MAML2: variants seen among roughly 807,000 people sequenced by gnomAD.
MAML2 encodes mastermind like transcriptional coactivator 2.
In MAML2, 22 loss-of-function variants were observed where a neutral mutation model predicts 96.1. That is an observed-to-expected ratio of 0.23 (90% CI 0.16 to 0.33). The LOEUF is 0.33. Among genes scored for constraint, MAML2 ranks in the 10% least tolerant of loss-of-function variants. The pLI is 1.00. For synonymous variants in MAML2, 561 were observed against 521.3 expected (o/e 1.08, Z -1.04); for missense variants, 1,367 against 1,392.4 (o/e 0.98, Z 0.29).
chr11:96,214,006 C>T (rs1288111116), intron 1 of MAML2, among the ~76,000 whole-genome samples: 1 of 152,162 alleles, frequency 6.6e-6, no homozygotes, highest in African/African-American at 2.4e-5. Flanking sequence ...TGCCCAACTA[C>T]AAATTCTAAT....
intron 1 of MAML2, among the ~76,000 whole-genome samples, chr11:96,099,104 T>C (rs1339865659): frequency 6.6e-6 from 1 of 152,116 alleles, no homozygotes; most frequent in Non-Finnish European, 1.5e-5. Context: ...CAACCAGGCA[T>C]AAACACAAGA....
intron 1 of MAML2, 108 bp downstream of exon 1, chr11:96,341,275 T>A (rs2136024412): frequency 7.9e-7 from 1 of 1,266,742 alleles, no homozygotes; most frequent in South Asian, 1.6e-5. Flanking sequence ...TCAGGTGACA[T>A]CTTGGCCTTT....
intron 2 of MAML2, among the ~76,000 whole-genome samples, chr11:96,020,982 G>A (rs1195610481): frequency 6.6e-6 from 1 of 152,158 alleles, no homozygotes; most frequent in Admixed American, 6.5e-5. Flanking sequence ...GGAAATAGGG[G>A]ATAAATAGTG....
At chr11:95,981,303 A>G (rs759599449) in intron 4 of MAML2, among the ~76,000 whole-genome samples, 1 of 152,254 alleles carries the variant, frequency 6.6e-6, no homozygotes, top group Non-Finnish European at 1.5e-5. Context: ...AAGAGGCTCC[A>G]CACAACAGAT....
rs374494887 is a variant in MAML2, at chr11:96,032,766, G to A, written c.2140-41043C>T. Among the ~76,000 whole-genome samples the A allele has an allele frequency of 2.6e-4, 40 of 152,202 alleles. No individual in the cohort carries two copies. The East Asian group carries it at 2.7e-3, about 10-fold the overall frequency. ...AATCACAAGGTTGACTCTCAAGTGC[G>A]CTATGCTAAGTGAAAGAAGCCAGTG... On this transcript the variant is annotated intron_variant, in intron 2 of 4. Coordinates refer to ENST00000524717, the MANE Select transcript of MAML2 (RefSeq NM_032427.4).
chr11:96,138,945 C>A (rs1428544878), intron 1 of MAML2, among the ~76,000 whole-genome samples: 1 of 152,158 alleles, frequency 6.6e-6, no homozygotes, highest in Non-Finnish European at 1.5e-5. Context: ...ACAACCCATT[C>A]TAAAATTTAA....
chr11:96,342,066 G>A lies in MAML2; in HGVS notation c.-171C>T, dbSNP rs750959068. 9 of 612,222 alleles carry A rather than the reference G, an allele frequency of 1.5e-5. No homozygotes were observed. In the African/African-American group the frequency reaches 1.7e-4, roughly 11 times the overall value. The allele number at this position is 612,222 out of a possible 1,614,324, so 37.9% of individuals were successfully genotyped here. A position where few individuals can be genotyped will look rare whatever the true frequency, so the allele number is the denominator to read the frequency against. ...CGTGGAGAAGTTGTGGGGGAGGGGA[G>A]TTAGTAAAAAGAGGGTGGGGAGAAA... On this transcript the variant is annotated 5_prime_UTR_variant, in exon 1 of 5. Coordinates refer to ENST00000524717, the MANE Select transcript of MAML2 (RefSeq NM_032427.4).
chr11:96,098,800 A>G (rs1318183360), intron 1 of MAML2, among the ~76,000 whole-genome samples: 1 of 152,238 alleles, frequency 6.6e-6, no homozygotes, highest in East Asian at 1.9e-4. Context: ...AGGAACAAGG[A>G]AAATCCTGCA....
intron 1 of MAML2, among the ~76,000 whole-genome samples, chr11:96,316,592 A>G (rs1186753177): frequency 6.6e-6 from 1 of 152,138 alleles, no homozygotes; most frequent in African/African-American, 2.4e-5. Flanking sequence ...TCCACACACA[A>G]CTTCTGTGTA....
rs1464141106 is a variant in MAML2, at chr11:96,163,010, T to A, written c.514-69493A>T. Among the ~76,000 whole-genome samples the A allele has an allele frequency of 2.0e-5, 3 of 152,314 alleles. No homozygotes were observed. The East Asian group carries it at 5.8e-4, about 29-fold the overall frequency. On this transcript the variant is annotated intron_variant, in intron 1 of 4. Coordinates refer to ENST00000524717, the MANE Select transcript of MAML2 (RefSeq NM_032427.4). ...CATTTCCTCTGGGGATTTGCAACTT[T>A]TGCAAAACCCAGCTTTAGAATGTTG...
At chr11:95,988,057 A>G (rs1857855962) in intron 3 of MAML2, among the ~76,000 whole-genome samples, 1 of 151,794 alleles carries the variant, frequency 6.6e-6, no homozygotes. Flanking sequence ...TTCCAAAAGC[A>G]TCTGTCATTC....
chr11:96,030,654 G>A (rs930798099), intron 2 of MAML2, among the ~76,000 whole-genome samples: 6 of 152,138 alleles, frequency 3.9e-5, no homozygotes, highest in Non-Finnish European at 7.4e-5. Flanking sequence ...TGTATACATG[G>A]TAGAGATCAT....
intron 1 of MAML2, among the ~76,000 whole-genome samples, chr11:96,214,241 T>C (rs536855): frequency 0.71 from 107,973 of 152,066 alleles, 38,595 homozygotes; most frequent in East Asian, 0.79. Flanking sequence ...ATATAGGTCT[T>C]TTGAGGCCAT....
At chr11:95,987,077 G>A (rs891566385) in intron 3 of MAML2, among the ~76,000 whole-genome samples, 1 of 152,062 alleles carries the variant, frequency 6.6e-6, no homozygotes, top group Non-Finnish European at 1.5e-5. Flanking sequence ...GAGTGATTTC[G>A]GAAGAGTCTA....
At chr11:96,078,283 T>C (rs1859475490) in intron 2 of MAML2, among the ~76,000 whole-genome samples, 1 of 152,198 alleles carries the variant, frequency 6.6e-6, no homozygotes, top group South Asian at 2.1e-4. Context: ...AATGTAATAT[T>C]CTAGAAATCA....
At chr11:96,177,727 C>T (rs145921474) in intron 1 of MAML2, among the ~76,000 whole-genome samples, 1 of 152,240 alleles carries the variant, frequency 6.6e-6, no homozygotes, top group Non-Finnish European at 1.5e-5. Flanking sequence ...AACTCCAAGC[C>T]TACATTTTGT....
At chr11:96,325,994 A>G (rs1481247503) in intron 1 of MAML2, among the ~76,000 whole-genome samples, 4 of 152,164 alleles carry the variant, frequency 2.6e-5, no homozygotes, top group Admixed American at 2.0e-4. Context: ...AACCCAAATC[A>G]ATCTCCAATT....
chr11:96,318,726 T>C (rs1863663338), intron 1 of MAML2, among the ~76,000 whole-genome samples: 1 of 152,210 alleles, frequency 6.6e-6, no homozygotes, highest in Non-Finnish European at 1.5e-5. Context: ...TTTTGTTCCC[T>C]GATATATCCT....
intron 2 of MAML2, among the ~76,000 whole-genome samples, chr11:96,031,999 AT>A (rs887679405): frequency 2.8e-4 from 42 of 152,200 alleles, no homozygotes; most frequent in African/African-American, 9.6e-4. Context: ...ATTAAAAAAA[AT>A]AAAAATAAAT....
Sources: gnomAD v4.1 joint callset for allele counts (sites outside exome capture counted in the v4.1 genomes callset) on GRCh38, gnomAD v4.1.1 for gene constraint, MANE v1.5 for transcripts, NCBI Gene and HGNC (gene_info 2026-07-23, HGNC 2026-07-21) for gene names.